ANKRD50: variants seen among roughly 807,000 people sequenced by gnomAD.
ANKRD50 encodes the protein ankyrin repeat domain 50.
In ANKRD50, 40 loss-of-function variants were observed where a neutral mutation model predicts 112.0. That is an observed-to-expected ratio of 0.36 (90% CI 0.28 to 0.46). ANKRD50 has a LOEUF of 0.46. ANKRD50 is among the 20% of genes least tolerant of loss of function. The pLI is 1.00. For missense variants in ANKRD50, 1,487 were observed against 1,701.7 expected (o/e 0.87, Z 2.22); for synonymous variants, 613 against 619.1 (o/e 0.99, Z 0.15).
At chr4:124,712,061 G>A (rs893549917) in intron 1 of ANKRD50, among the ~76,000 whole-genome samples, 7 of 152,072 alleles carry the variant, frequency 4.6e-5, no homozygotes, top group African/African-American at 1.4e-4. Context: ...GGTTGGAACC[G>A]CCCAGAGGAG....
chr4:124,687,708 A>C (rs1725040796), intron 2 of ANKRD50, among the ~76,000 whole-genome samples: 1 of 152,326 alleles, frequency 6.6e-6, no homozygotes, highest in South Asian at 2.1e-4. Flanking sequence ...CAGAAGATTA[A>C]AATAGACACT....
chr4:124,669,622 G>C lies in ANKRD50; in HGVS notation c.3655C>G (p.Gln1219Glu), dbSNP rs779068616. The C allele has an allele frequency of 3.1e-6, 5 of 1,613,658 alleles. No homozygotes were observed. The South Asian group carries it at 4.4e-5, about 14-fold the overall frequency. Reference protein sequence around the residue: ...FHNLSFTEQIQQHSLPRSRSR... With the variant: ...FHNLSFTEQIEQHSLPRSRSR... The stretch of plus-strand genomic sequence containing the variant: ...CTACTGCGTGGCAATGAATGCTGCT[G>C]AATTTGTTCTGTAAATGACAAGTTA... Residue 1219 changes from glutamine (Q) to glutamate (E), a missense_variant, in exon 4 of 5, where the codon CAG becomes GAG. Gln to Glu is a conservative substitution (Grantham distance 29). Coordinates refer to ENST00000504087, the MANE Select transcript of ANKRD50 (RefSeq NM_020337.3).
In ANKRD50 at chr4:124,671,795, T is replaced by C. The variant is rs1470620209; in HGVS notation, c.1482A>G (p.Gln494=). The C allele has an allele frequency of 1.2e-6, 2 of 1,613,920 alleles. No homozygotes were observed. The part of the protein sequence containing the change: ...DSLSTLIPKE[Q]EVLQLLVKAG... ...CTTTAACCAACAGCTGTAGCACTTC[T>C]TGTTCCTTGGGTATCAAAGTAGAAA... The change falls in exon 4 of 5, where the codon CAA becomes CAG. Residue 494 remains glutamine, a synonymous_variant. Coordinates refer to ENST00000504087, the MANE Select transcript of ANKRD50 (RefSeq NM_020337.3).
At chr4:124,707,668 T>C (rs912529974) in intron 2 of ANKRD50, among the ~76,000 whole-genome samples, 3 of 152,058 alleles carry the variant, frequency 2.0e-5, no homozygotes, top group Non-Finnish European at 2.9e-5. Context: ...ATGGTCCAAG[T>C]AGAAAGACTA....
intron 2 of ANKRD50, among the ~76,000 whole-genome samples, chr4:124,705,174 T>C (rs1725477367): frequency 6.6e-6 from 1 of 152,074 alleles, no homozygotes; most frequent in African/African-American, 2.4e-5. Context: ...GATCCATAAA[T>C]GCTCCTGGAG....
At chr4:124,672,565 C>T (rs1380861559) in intron 3 of ANKRD50, 31 bp from the exon 4 acceptor site, 2 of 1,470,898 alleles carry the variant, frequency 1.4e-6, no homozygotes, top group Non-Finnish European at 1.8e-6. Context: ...TAGATGTAAT[C>T]AGTTGAAAAG....
chr4:124,667,698 T>A (rs1028250621), intron 4 of ANKRD50, among the ~76,000 whole-genome samples, 184 bp from the exon 5 acceptor site: 3 of 152,136 alleles, frequency 2.0e-5, no homozygotes, highest in Non-Finnish European at 2.9e-5. Context: ...ACAAAATGTT[T>A]ACCTTAATTC....
At chr4:124,685,275 C>A (rs1724983281) in intron 2 of ANKRD50, among the ~76,000 whole-genome samples, 1 of 152,138 alleles carries the variant, frequency 6.6e-6, no homozygotes, top group South Asian at 2.1e-4. Context: ...ATCACAAACA[C>A]TCAATAAATT....
intron 2 of ANKRD50, among the ~76,000 whole-genome samples, chr4:124,689,451 G>A (rs1350423856): frequency 6.6e-6 from 1 of 152,170 alleles, no homozygotes; most frequent in African/African-American, 2.4e-5. Flanking sequence ...GTCTGTGAGG[G>A]TGTTTCTGGA....
At position 124,699,276 on chromosome 4, in the gene ANKRD50, G is replaced by A. The variant is rs146521609; in HGVS notation, c.512+10724C>T. Among the ~76,000 whole-genome samples, 448 of 151,778 alleles carry A rather than the reference G, an allele frequency of 3.0e-3. 1 individual carries two copies. The highest frequency in any genetic ancestry group is 0.01 in the African/African-American group (424 of 41,452). The stretch of plus-strand genomic sequence containing the variant: ...TATGATAAAAAAAAAAAAAAATTGG[G>A]TAGGTACATGTATGTTTGCTTTCCT... On this transcript the variant is annotated intron_variant, in intron 2 of 4. Transcript: ENST00000504087.
chr4:124,705,967 C>T (rs1357129641), intron 2 of ANKRD50, among the ~76,000 whole-genome samples: 6 of 151,822 alleles, frequency 4.0e-5, no homozygotes, highest in South Asian at 2.1e-4. Context: ...TAACCAGATA[C>T]GAAAAATAAA....
Position 124,669,373 on chromosome 4 carries a change from T to G in ANKRD50, c.3904A>C (p.Thr1302Pro), listed in dbSNP as rs764755874. 6.2e-7 allele frequency: 1 copy of G among 1,613,666 alleles called. No homozygotes were observed. Among genetic ancestry groups the G allele is most frequent in the African/African-American group, 1.3e-5 (1 of 74,962 alleles). The change falls in exon 4 of 5, where the codon ACT (threonine) becomes CCT (proline). Residue 1302 changes from threonine to proline, a missense_variant. Physicochemically the swap from Thr to Pro is conservative, Grantham distance 38 (BLOSUM62 -1). This residue lies in a region of ANKRD50 where 441 missense variants were observed against 432.2 expected (regional missense o/e 1.02). Transcript: ENST00000504087. ...SQPKVLEYEM[T>P]QFDRRGPIAK... ...ATAGGTCCTCTTCTATCAAACTGAG[T>G]CATTTCATATTCTAAAACCTTTGGC...
In ANKRD50 at chr4:124,671,658, T is replaced by A; in HGVS notation, c.1619A>T (p.Gln540Leu). ...TAATGTTCTCCCATTTGAATCACAC[T>A]GATTTACTGAAGCTCCATTATCTAA... ...TLLDNGASVNQCDSNGRTLLA... is the reference protein window; with the variant it reads ...TLLDNGASVNLCDSNGRTLLA... The change falls in exon 4 of 5, where the codon CAG (glutamine) becomes CTG (leucine). Residue 540 changes from glutamine (Q) to leucine (L), a missense_variant. By Grantham distance (113) the Gln-to-Leu change is moderately radical. This residue lies in a region of ANKRD50 where 1,046 missense variants were observed against 1,269.5 expected (regional missense o/e 0.82). Coordinates refer to ENST00000504087, the MANE Select transcript of ANKRD50 (RefSeq NM_020337.3). 1 of 1,613,892 alleles carries A rather than the reference T, an allele frequency of 6.2e-7. No individual in the cohort carries two copies. The highest frequency in any genetic ancestry group is 8.5e-7 in the Non-Finnish European group (1 of 1,179,856).
intron 2 of ANKRD50, among the ~76,000 whole-genome samples, chr4:124,684,731 A>G (rs1232952419): frequency 6.6e-6 from 1 of 152,218 alleles, no homozygotes; most frequent in Admixed American, 6.5e-5. Context: ...GTTTCAAAAT[A>G]CATAGAGCTT....
In ANKRD50 at chr4:124,666,372, CAAT is replaced by C. The variant is rs987665978; in HGVS notation, c.*1143_*1145del. 6.6e-6 allele frequency: 1 copy of C among 152,344 alleles called. No homozygotes were observed. The highest frequency in any genetic ancestry group is 1.5e-5 in the Non-Finnish European group (1 of 67,906). 9.4% of individuals were successfully genotyped at this position (152,344 alleles called of 1,614,324 possible). A position where few individuals can be genotyped will look rare whatever the true frequency, so the allele number is the denominator to read the frequency against. On this transcript the variant is annotated 3_prime_UTR_variant, in exon 5 of 5. Coordinates refer to ENST00000504087, the MANE Select transcript of ANKRD50 (RefSeq NM_020337.3). ...GTGCAAATCCATCACTATTAAGTAACAATAAAAAGTACACATGTGCTATGATTG... is the reference window on the plus strand; with the variant it reads ...GTGCAAATCCATCACTATTAAGTAACAAAAAGTACACATGTGCTATGATTG...
Position 124,667,257 on chromosome 4 carries a change from T to C in ANKRD50, c.*261A>G, listed in dbSNP as rs1379232071. 6.6e-6 allele frequency: 1 copy of C among 152,060 alleles called. No individual in the cohort carries two copies. Among genetic ancestry groups the C allele is most frequent in the Admixed American group, 6.6e-5 (1 of 15,236 alleles). 9.4% of individuals were successfully genotyped at this position (152,060 alleles called of 1,614,324 possible). On this transcript the variant is annotated 3_prime_UTR_variant, in exon 5 of 5. Transcript: ENST00000504087. ...CAGCTTTTATCAGGGAACTGCAGTA[T>C]GTATCTGCATTTTTAAAAAGTGCTT...
chr4:124,665,514 T>G lies in ANKRD50; in HGVS notation c.*2004A>C, dbSNP rs557533847. On this transcript the variant is annotated 3_prime_UTR_variant, in exon 5 of 5. Transcript: ENST00000504087. ...GGTTCTCTTTCTAAAGAAAATTACATGTAATAGAAATTAGAGCTTCATCCT... is the reference window on the plus strand; with the variant it reads ...GGTTCTCTTTCTAAAGAAAATTACAGGTAATAGAAATTAGAGCTTCATCCT... 6.6e-6 allele frequency: 1 copy of G among 152,502 alleles called. No individual in the cohort carries two copies. The highest frequency in any genetic ancestry group is 2.1e-4 in the South Asian group (1 of 4,826). 9.4% of individuals were successfully genotyped at this position (152,502 alleles called of 1,614,324 possible). A position where few individuals can be genotyped will look rare whatever the true frequency, so the allele number is the denominator to read the frequency against.
rs752041724 is a variant in ANKRD50 at position 124,671,249 on chromosome 4, T to C, written c.2028A>G (p.Glu676=). The C allele has an allele frequency of 6.2e-7, 1 of 1,613,794 alleles. No individual in the cohort carries two copies. The highest frequency in any genetic ancestry group is 1.7e-5 in the Admixed American group (1 of 59,970). The change falls in exon 4 of 5, where the codon GAA becomes GAG. Residue 676 remains glutamate (E), a synonymous_variant. Transcript: ENST00000504087. The part of the protein sequence containing the change: ...HGAEVNKADN[E]GRTALIAAAY... Reference sequence around the variant, plus strand: ...CTGCTGCTATCAAAGCAGTTCTACCTTCATTATCAGCTTTGTTCACTTCAG... The same window carrying C: ...CTGCTGCTATCAAAGCAGTTCTACCCTCATTATCAGCTTTGTTCACTTCAG...
intron 2 of ANKRD50, among the ~76,000 whole-genome samples, chr4:124,700,269 T>C (rs576863869): frequency 2.6e-5 from 4 of 152,268 alleles, no homozygotes; most frequent in South Asian, 4.1e-4. Flanking sequence ...AAGAATAAAG[T>C]AGTACAGGAT....
Sources: gnomAD v4.1 joint callset for allele counts (sites outside exome capture counted in the v4.1 genomes callset) on GRCh38, gnomAD v4.1.1 for gene constraint, gnomAD v4.1.1 regional missense constraint, MANE v1.5 for transcripts, NCBI Gene and HGNC (gene_info 2026-07-23, HGNC 2026-07-21) for gene names.